Variants in ZNF827 observed in about 807,000 individuals in gnomAD.
ZNF827 encodes the protein zinc finger protein 827.
Under a neutral mutation model 102.4 loss-of-function variants are expected in ZNF827, and 13 were observed. The ratio of observed to expected loss-of-function variants is 0.13; its 90% CI spans 0.08 to 0.20. The LOEUF is 0.20. Ranked by LOEUF, ZNF827 falls within the 10% of genes least tolerant of loss-of-function variation. The pLI, the probability that ZNF827 is intolerant of heterozygous loss-of-function variation, is 1.00. For missense variants in ZNF827, 1,103 were observed against 1,344.4 expected, an observed-to-expected ratio of 0.82 and a Z score of 2.81; for synonymous variants, 523 against 536.2, an observed-to-expected ratio of 0.98 and a Z score of 0.34.
chr4:145,907,321 G>A (rs1010035225), intron 1 of ZNF827: 10 of 416,688 alleles, frequency 2.4e-5, no homozygotes, highest in Admixed American at 1.5e-4. Context: ...CAGAGTGTAC[G>A]ACAACCTGCA....
rs918820825 is a variant in ZNF827 at position 145,761,654 on chromosome 4, C to T, written c.*18-56G>A. The T allele has an allele frequency of 5.6e-6, 6 of 1,064,554 alleles. No individual in the cohort carries two copies. The highest frequency in any genetic ancestry group is 3.1e-4 in the Middle Eastern group (1 of 3,218). 65.9% of individuals were successfully genotyped at this position (1,064,554 alleles called of 1,614,324 possible). On this transcript the variant is annotated intron_variant, in intron 14 of 14. Transcript: ENST00000508784. The surrounding 1 kb of genome is among the most constrained non-coding windows in gnomAD (Gnocchi z 6.8). ...AGCCGGGAAGGTTCGGAGGCAGCCG[C>T]GCTTCTCGCCGCCTCACCAGCCTTC...
chr4:145,849,648 T>C (rs1211436158), intron 5 of ZNF827, 87 bp from the exon 6 acceptor site: 1 of 1,576,062 alleles, frequency 6.3e-7, no homozygotes, highest in Non-Finnish European at 8.6e-7. Flanking sequence ...GAGAAAACCA[T>C]AAAGATTGTG....
chr4:145,902,450 TCCTGAC>T lies in ZNF827; in HGVS notation c.803_808del (p.Gly268_Gln269del). On this transcript the variant is annotated inframe_deletion, in exon 2 of 15. Transcript: ENST00000508784. The surrounding 1 kb of genome is among the most constrained non-coding windows in gnomAD (Gnocchi z 4.3). The stretch of plus-strand genomic sequence containing the variant: ...GAAGGAGCTGGCCGGTGGAGGGTGC[TCCTGAC>T]CAGGAGTCAAACTTCTTTCACTGAC... The T allele has an allele frequency of 6.2e-7, 1 of 1,614,116 alleles. No homozygotes were observed. Among genetic ancestry groups the T allele is most frequent in the East Asian group, 2.2e-5 (1 of 44,870 alleles).
At chr4:145,871,793 G>T (rs555625487) in intron 4 of ZNF827, among the ~76,000 whole-genome samples, 1 of 152,218 alleles carries the variant, frequency 6.6e-6, no homozygotes, top group African/African-American at 2.4e-5. Flanking sequence ...TATGCATTCT[G>T]GAATCACAAG....
chr4:145,792,963 G>A (rs541409607), intron 8 of ZNF827, among the ~76,000 whole-genome samples: 2 of 152,132 alleles, frequency 1.3e-5, no homozygotes, highest in Admixed American at 6.5e-5. Flanking sequence ...CCCTGTTACT[G>A]TAGGTTGTTT....
chr4:145,937,553 CCGCCCGGCCGCCCCG>C (rs1754293952), intron 1 of ZNF827, among the ~76,000 whole-genome samples: 1 of 147,038 alleles, frequency 6.8e-6, no homozygotes, highest in Non-Finnish European at 1.5e-5. Flanking sequence ...GCCTCGCCCC[CCGCCCGGCCGCCCCG>C]CGCCCCGGCG....
chr4:145,809,592 G>A (rs1161567781), intron 8 of ZNF827, among the ~76,000 whole-genome samples: 1 of 152,170 alleles, frequency 6.6e-6, no homozygotes, highest in Non-Finnish European at 1.5e-5. Context: ...CGTGGCCAGA[G>A]GTCACAAGAT....
intron 11 of ZNF827, among the ~76,000 whole-genome samples, chr4:145,768,301 A>T (rs1219232601): frequency 6.6e-6 from 1 of 152,112 alleles, no homozygotes; most frequent in Non-Finnish European, 1.5e-5. Context: ...AGTAGCTGGG[A>T]TTACAGGTGT....
chr4:145,938,084 A>G (rs1303205687), intron 1 of ZNF827, among the ~76,000 whole-genome samples: 28 of 114,216 alleles, frequency 2.5e-4, no homozygotes, highest in East Asian at 6.3e-4. Context: ...GGGGAAGGGG[A>G]GGGAAAGGGA....
Position 145,892,229 on chromosome 4 carries a change from G to A in ZNF827, c.1266+14C>T, listed in dbSNP as rs756924077. 11 of 1,595,336 alleles carry A rather than the reference G, an allele frequency of 6.9e-6. No individual in the cohort carries two copies. The highest frequency in any genetic ancestry group is 6.7e-5 in the Admixed American group (4 of 59,338). On this transcript the variant is annotated intron_variant, in intron 3 of 14. Coordinates refer to ENST00000508784, the MANE Select transcript of ZNF827 (RefSeq NM_001306215.2). ...GCCTGCCTCTCCAGGAGGTGCAGTCGGTAGGTGGCTTACCTTCATGTGGGA... is the reference window on the plus strand; with the variant it reads ...GCCTGCCTCTCCAGGAGGTGCAGTCAGTAGGTGGCTTACCTTCATGTGGGA...
chr4:145,807,899 G>A (rs1417753786), intron 8 of ZNF827, among the ~76,000 whole-genome samples: 1 of 151,846 alleles, frequency 6.6e-6, no homozygotes, highest in Non-Finnish European at 1.5e-5. Flanking sequence ...ACACATTTTC[G>A]AGTGATAAAA....
At position 145,759,896 on chromosome 4, in the gene ZNF827, T is replaced by C. The variant is rs1005072165; in HGVS notation, c.*1720A>G. 1.3e-5 allele frequency: 2 copies of C among 152,192 alleles called. No individual in the cohort carries two copies. Among genetic ancestry groups the C allele is most frequent in the African/African-American group, 4.8e-5 (2 of 41,432 alleles). 9.4% of individuals were successfully genotyped at this position (152,192 alleles called of 1,614,324 possible). A position where few individuals can be genotyped will look rare whatever the true frequency, so the allele number is the denominator to read the frequency against. On this transcript the variant is annotated 3_prime_UTR_variant, in exon 15 of 15. Transcript: ENST00000508784. ...ATGGTAACCACTGAATTAATACATC[T>C]CATATATATATATAATCTGCCCTTA...
chr4:145,869,742 C>A lies in ZNF827; in HGVS notation c.1981+503G>T, dbSNP rs151176589. ...AGAACAGATTAATTATTGTAATATT[C>A]CATTATAAAATTCTCTATCCATAAA... On this transcript the variant is annotated intron_variant, in intron 5 of 14. Coordinates refer to ENST00000508784, the MANE Select transcript of ZNF827 (RefSeq NM_001306215.2). Among the ~76,000 whole-genome samples, 650 of 152,206 alleles carry A rather than the reference C, an allele frequency of 4.3e-3. 4 individuals are homozygous for A. Among genetic ancestry groups the A allele is most frequent in the African/African-American group, 0.015 (625 of 41,544 alleles).
chr4:145,924,835 C>T (rs1753312571), intron 1 of ZNF827, among the ~76,000 whole-genome samples: 1 of 152,166 alleles, frequency 6.6e-6, no homozygotes, highest in Admixed American at 6.5e-5. Flanking sequence ...AATATGGCCC[C>T]TCTGGTTCAA....
At chr4:145,903,852 G>A (rs1455626723) in intron 1 of ZNF827, among the ~76,000 whole-genome samples, 6 of 152,116 alleles carry the variant, frequency 3.9e-5, no homozygotes, top group Non-Finnish European at 5.9e-5. Flanking sequence ...GTCAAGTACC[G>A]TATAAAATCA....
At position 145,913,662 on chromosome 4, in the gene ZNF827, C is replaced by A. The variant is rs1303694501; in HGVS notation, c.44-10447G>T. Among the ~76,000 whole-genome samples, 4 of 152,190 alleles carry A rather than the reference C, an allele frequency of 2.6e-5. No individual in the cohort carries two copies. In the East Asian group the frequency reaches 7.7e-4, roughly 29 times the overall value. On this transcript the variant is annotated intron_variant, in intron 1 of 14. Coordinates refer to ENST00000508784, the MANE Select transcript of ZNF827 (RefSeq NM_001306215.2). ...ACGGATTGATTACTTGCTCCCTTAC[C>A]CTTTCATGCACCTCTTATTACAAAA... is the stretch of plus-strand genomic sequence containing the variant.
intron 1 of ZNF827, among the ~76,000 whole-genome samples, chr4:145,924,746 C>T (rs1302620996): frequency 6.6e-6 from 1 of 152,208 alleles, no homozygotes; most frequent in Non-Finnish European, 1.5e-5. Context: ...TGTAATCAAA[C>T]CACTAAATTT....
At chr4:145,837,155 C>T (rs1403292544) in intron 7 of ZNF827, among the ~76,000 whole-genome samples, 15 of 146,296 alleles carry the variant, frequency 1.0e-4, no homozygotes, top group Admixed American at 2.1e-4. Flanking sequence ...TGATAACAGA[C>T]GAGCCTTTAT....
chr4:145,863,778 G>C (rs1014205273), intron 5 of ZNF827, among the ~76,000 whole-genome samples: 1 of 152,128 alleles, frequency 6.6e-6, no homozygotes, highest in Non-Finnish European at 1.5e-5. Context: ...CGACATTTTT[G>C]GGAGCAATGA....
Sources: allele counts gnomAD v4.1 joint callset (sites outside exome capture counted in the v4.1 genomes callset), GRCh38; gene constraint gnomAD v4.1.1; non-coding constraint Gnocchi (gnomAD v3.1); transcripts MANE v1.5; gene names NCBI Gene and HGNC (gene_info 2026-07-23, HGNC 2026-07-21).